Variants in DIP2C observed in about 807,000 individuals in gnomAD.
The protein encoded by DIP2C is DIP2 acetate--CoA ligase C (putative).
A neutral mutation model predicts 192.4 loss-of-function variants in DIP2C; 33 were observed. The ratio of observed to expected loss-of-function variants is 0.17; its 90% CI spans 0.13 to 0.23. The LOEUF (loss-of-function observed/expected upper bound fraction) is 0.23. Ranked by LOEUF, DIP2C falls within the 10% of genes least tolerant of loss-of-function variation. The probability of loss-of-function intolerance (pLI) is 1.00; values close to 1 mark genes in which losing one functional copy is unlikely to be tolerated. For synonymous variants in DIP2C, 979 were observed against 864.1 expected (o/e 1.13, Z -2.33); for missense variants, 1,537 against 2,110.1 (o/e 0.73, Z 5.32).
intron 1 of DIP2C, among the ~76,000 whole-genome samples, chr10:524,982 A>AAAAAAAAAAAAAAAAAAAAAAAC: frequency 6.6e-6 from 1 of 151,362 alleles, no homozygotes; most frequent in African/African-American, 2.4e-5. Context: ...AAAAAAAAAA[A>AAAAAAAAAAAAAAAAAAAAAAAC]AGAATCACAT....
At chr10:491,578 C>G (rs1844451453) in intron 1 of DIP2C, among the ~76,000 whole-genome samples, 1 of 152,196 alleles carries the variant, frequency 6.6e-6, no homozygotes, top group Admixed American at 6.5e-5. Context: ...CCTCTCACCC[C>G]AGCAAGCTGA....
At chr10:489,662 G>A (rs566155083) in intron 1 of DIP2C, among the ~76,000 whole-genome samples, 40 of 134,196 alleles carry the variant, frequency 3.0e-4, no homozygotes, top group South Asian at 2.3e-3. Context: ...TGGCTCTGAC[G>A]GTGCCCGGGG....
rs138244050 is a variant in DIP2C, at chr10:308,351, ACT to A, written c.3986+1678_3986+1679del. Among the ~76,000 whole-genome samples, 408 of 151,722 alleles carry A rather than the reference ACT, an allele frequency of 2.7e-3. 3 individuals are homozygous for A. The highest frequency in any genetic ancestry group is 0.021 in the Middle Eastern group (6 of 292). On this transcript the variant is annotated intron_variant, in intron 32 of 36. Coordinates refer to ENST00000280886, the MANE Select transcript of DIP2C (RefSeq NM_014974.3). Reference sequence around the variant, plus strand: ...GCACCGCCAGCTCCTGTTCCTATGTACTCTCACTTCCATTTCAGATGCTTTCC... The same window carrying A: ...GCACCGCCAGCTCCTGTTCCTATGTACTCACTTCCATTTCAGATGCTTTCC...
rs185592435 is a variant in DIP2C at position 348,498 on chromosome 10, G to C, written c.3231+143C>G. 3 of 1,317,942 alleles carry C rather than the reference G, an allele frequency of 2.3e-6. No individual in the cohort carries two copies. In the East Asian group the frequency reaches 7.2e-5, roughly 31 times the overall value. 81.6% of individuals were successfully genotyped at this position (1,317,942 alleles called of 1,614,324 possible). ...AGACTCTAGGCTCCCTGCAGGTAGA[G>C]ACCCTGTCCTGACCGTTTGACTCCA... is the stretch of plus-strand genomic sequence containing the variant. On this transcript the variant is annotated intron_variant, in intron 26 of 36. Coordinates refer to ENST00000280886, the MANE Select transcript of DIP2C (RefSeq NM_014974.3).
chr10:447,711 G>A (rs1193883095), intron 3 of DIP2C, among the ~76,000 whole-genome samples: 14 of 84,640 alleles, frequency 1.7e-4, no homozygotes, highest in South Asian at 7.9e-4. Context: ...AGCAGGACCC[G>A]CTCACTCCCA....
At chr10:294,614 A>G (rs1455007331) in intron 32 of DIP2C, among the ~76,000 whole-genome samples, 1 of 149,092 alleles carries the variant, frequency 6.7e-6, no homozygotes, top group Admixed American at 6.7e-5. Context: ...AAAAAAAAAG[A>G]GAAGAAAAAA....
intron 19 of DIP2C, among the ~76,000 whole-genome samples, chr10:364,809 A>G (rs1266981717): frequency 6.6e-6 from 1 of 151,916 alleles, no homozygotes; most frequent in Non-Finnish European, 1.5e-5. Flanking sequence ...CTGCACCTCC[A>G]CTCACCTGCT....
intron 1 of DIP2C, among the ~76,000 whole-genome samples, chr10:511,297 C>T (rs1041182124): frequency 6.6e-6 from 1 of 152,208 alleles, no homozygotes; most frequent in Non-Finnish European, 1.5e-5. Context: ...CAAGGGGAAG[C>T]GGCCTCTTCA....
At chr10:321,550 C>T (rs900449358) in intron 31 of DIP2C, among the ~76,000 whole-genome samples, 5 of 130,584 alleles carry the variant, frequency 3.8e-5, no homozygotes, top group Admixed American at 7.9e-5. Context: ...AGCGAGAGAC[C>T]GGCGCTGTTA....
At chr10:493,301 G>C (rs995187565) in intron 1 of DIP2C, among the ~76,000 whole-genome samples, 1 of 152,146 alleles carries the variant, frequency 6.6e-6, no homozygotes, top group South Asian at 2.1e-4. Flanking sequence ...AAAGAAACCC[G>C]ACCTGTAGAA....
intron 1 of DIP2C, among the ~76,000 whole-genome samples, chr10:610,582 AAC>A (rs1244575144): frequency 2.6e-5 from 4 of 152,262 alleles, no homozygotes; most frequent in South Asian, 2.1e-4. Context: ...TATCAACAAA[AAC>A]AAAAATAAAC....
intron 1 of DIP2C, among the ~76,000 whole-genome samples, chr10:532,830 G>C (rs1034576666): frequency 6.6e-6 from 1 of 151,954 alleles, no homozygotes; most frequent in Non-Finnish European, 1.5e-5. Flanking sequence ...CTCAGGCACA[G>C]TGCACCACAA....
chr10:655,378 C>T lies in DIP2C; in HGVS notation c.85+34116G>A, dbSNP rs116108647. ...GAGCAAAAATCCTGCAGCAGTGCTA[C>T]AGAACACTGTCCTCTCTGTTCTGTG... On this transcript the variant is annotated intron_variant, in intron 1 of 36. Coordinates refer to ENST00000280886, the MANE Select transcript of DIP2C (RefSeq NM_014974.3). Among the ~76,000 whole-genome samples the T allele has an allele frequency of 3.4e-3, 516 of 152,340 alleles. 4 individuals are homozygous for T. Among genetic ancestry groups the T allele is most frequent in the African/African-American group, 0.012 (492 of 41,568 alleles).
chr10:661,891 C>T (rs1328837050), intron 1 of DIP2C: 10 of 614,576 alleles, frequency 1.6e-5, no homozygotes, highest in Admixed American at 8.3e-5. Flanking sequence ...CAAAGCACAA[C>T]GCCGACCTCA....
intron 4 of DIP2C, among the ~76,000 whole-genome samples, chr10:424,773 T>C (rs1175664610): frequency 1.3e-5 from 2 of 152,138 alleles, no homozygotes; most frequent in African/African-American, 2.4e-5. Context: ...AGCACAACCA[T>C]CTCCCCAGAA....
chr10:481,088 T>C (rs550620393), intron 2 of DIP2C, among the ~76,000 whole-genome samples: 1 of 151,972 alleles, frequency 6.6e-6, no homozygotes, highest in Non-Finnish European at 1.5e-5. Context: ...AGCGCTGCCT[T>C]GGGGTCACCA....
At chr10:619,532 C>CAGGGCCAGGGCCAGGGCCAGG (rs750101870) in intron 1 of DIP2C, among the ~76,000 whole-genome samples, 2 of 40,716 alleles carry the variant, frequency 4.9e-5, no homozygotes, top group Non-Finnish European at 1.0e-4. Flanking sequence ...GGACCAAGCC[C>CAGGGCCAGGGCCAGGGCCAGG]GCCCGCCCGC....
intron 1 of DIP2C, among the ~76,000 whole-genome samples, chr10:679,767 G>A (rs550968449): frequency 7.5e-5 from 11 of 145,776 alleles, no homozygotes; most frequent in African/African-American, 2.8e-4. Flanking sequence ...CATGATCCCC[G>A]CACCCGTGCT....
intron 32 of DIP2C, among the ~76,000 whole-genome samples, chr10:304,057 CTTT>C (rs765204586): frequency 6.6e-6 from 1 of 152,026 alleles, no homozygotes; most frequent in Non-Finnish European, 1.5e-5. Flanking sequence ...TTACAGTTAA[CTTT>C]TTTATTGTTA....
Sources: gnomAD v4.1 joint callset for allele counts (sites outside exome capture counted in the v4.1 genomes callset) on GRCh38, gnomAD v4.1.1 for gene constraint, MANE v1.5 for transcripts, NCBI Gene and HGNC (gene_info 2026-07-23, HGNC 2026-07-21) for gene names.